Variants in MAGI2 observed in about 807,000 individuals in gnomAD.
MAGI2 encodes membrane associated guanylate kinase, WW and PDZ domain containing 2.
A neutral mutation model predicts 133.3 loss-of-function variants in MAGI2; 35 were observed. The observed-to-expected ratio is 0.26, with a 90% CI of 0.20 to 0.35. The LOEUF (loss-of-function observed/expected upper bound fraction) is 0.35. Ranked by LOEUF, MAGI2 falls within the 10% of genes least tolerant of loss-of-function variation. The pLI is 1.00. For missense variants in MAGI2, 1,636 were observed against 1,863.4 expected, an observed-to-expected ratio of 0.88 and a Z score of 2.25; for synonymous variants, 729 against 710.6, an observed-to-expected ratio of 1.03 and a Z score of -0.41.
At chr7:79,180,417 C>A (rs567496261) in intron 1 of MAGI2, among the ~76,000 whole-genome samples, 1 of 152,130 alleles carries the variant, frequency 6.6e-6, no homozygotes, top group East Asian at 1.9e-4. Context: ...CAGGTCACAT[C>A]TTATGTGGAT....
Position 78,643,393 on chromosome 7 carries a change from T to C in MAGI2, c.419-16154A>G, listed in dbSNP as rs377381586. Among the ~76,000 whole-genome samples, 6 of 152,228 alleles carry C rather than the reference T, an allele frequency of 3.9e-5. No homozygotes were observed. The East Asian group carries it at 1.2e-3, about 29-fold the overall frequency. ...TAGTAATTTTCTAAAAATAGAGAAA[T>C]GATAAAATATTAATAATTAGGTAAG... On this transcript the variant is annotated intron_variant, in intron 2 of 21. Coordinates refer to ENST00000354212, the MANE Select transcript of MAGI2 (RefSeq NM_012301.4).
intron 1 of MAGI2, among the ~76,000 whole-genome samples, chr7:79,307,429 G>A (rs533573911): frequency 1.2e-4 from 19 of 152,266 alleles, no homozygotes; most frequent in African/African-American, 4.6e-4. Flanking sequence ...TAAGTGAGAG[G>A]CTTCACCAGA....
chr7:79,010,142 G>C (rs573244836), intron 1 of MAGI2, among the ~76,000 whole-genome samples: 1 of 151,816 alleles, frequency 6.6e-6, no homozygotes, highest in Non-Finnish European at 1.5e-5. Context: ...TATAATACAT[G>C]TGTGTATACA....
intron 1 of MAGI2, among the ~76,000 whole-genome samples, chr7:79,301,449 T>A (rs1450470365): frequency 1.3e-5 from 2 of 152,238 alleles, no homozygotes; most frequent in South Asian, 4.1e-4. Context: ...GCTCTATGAG[T>A]TTTGTGTGAG....
chr7:78,232,154 ATTAAT>A (rs750304536), intron 10 of MAGI2, among the ~76,000 whole-genome samples: 40 of 152,324 alleles, frequency 2.6e-4, no homozygotes, highest in Non-Finnish European at 4.6e-4. Context: ...AGGCAAACTC[ATTAAT>A]TTAATAGTCT....
intron 1 of MAGI2, among the ~76,000 whole-genome samples, chr7:79,015,890 T>C (rs1808654252): frequency 6.6e-6 from 1 of 151,070 alleles, no homozygotes; most frequent in Non-Finnish European, 1.5e-5. Context: ...AGAGGGAAGA[T>C]CCATTGAAAA....
chr7:78,178,154 C>G, intron 13 of MAGI2, 52 bp from the exon 14 acceptor site: 2 of 1,134,258 alleles, frequency 1.8e-6, no homozygotes, highest in Non-Finnish European at 2.7e-6. Flanking sequence ...TTTCCCAGCC[C>G]CTGAGGAACT....
chr7:78,158,017 C>T (rs1018852747), intron 16 of MAGI2, among the ~76,000 whole-genome samples: 10 of 152,154 alleles, frequency 6.6e-5, no homozygotes, highest in Non-Finnish European at 1.3e-4. Context: ...CCATGAGGTT[C>T]TGGTGGTTTT....
intron 2 of MAGI2, among the ~76,000 whole-genome samples, chr7:78,785,548 T>A (rs553048417): frequency 2.0e-5 from 3 of 152,338 alleles, no homozygotes; most frequent in South Asian, 2.1e-4. Flanking sequence ...ACATTTTTTT[T>A]ATTTTGGAAC....
intron 2 of MAGI2, among the ~76,000 whole-genome samples, chr7:78,946,321 C>G (rs990716748): frequency 6.6e-6 from 1 of 152,038 alleles, no homozygotes; most frequent in Non-Finnish European, 1.5e-5. Flanking sequence ...TTACATCAAC[C>G]AATGTAAGAA....
intron 2 of MAGI2, among the ~76,000 whole-genome samples, chr7:78,723,863 G>A (rs1431361436): frequency 1.3e-5 from 2 of 152,174 alleles, no homozygotes; most frequent in Admixed American, 6.5e-5. Context: ...AGCCATGGGA[G>A]GAGGTAAGGT....
intron 4 of MAGI2, chr7:78,518,658 T>C (rs1468028839): frequency 1.3e-5 from 2 of 152,162 alleles, no homozygotes; most frequent in Admixed American, 1.3e-4. Flanking sequence ...TGAATTGAAG[T>C]TTGATATTAA....
chr7:78,400,372 C>A (rs757206239), intron 6 of MAGI2, among the ~76,000 whole-genome samples: 5 of 152,114 alleles, frequency 3.3e-5, no homozygotes, highest in Non-Finnish European at 5.9e-5. Context: ...TAAGTACATT[C>A]AGCTCAAATA....
At chr7:78,945,224 G>A (rs934923878) in intron 2 of MAGI2, among the ~76,000 whole-genome samples, 3 of 151,190 alleles carry the variant, frequency 2.0e-5, no homozygotes, top group African/African-American at 7.3e-5. Context: ...CCCACACCCA[G>A]CTAATTTTTG....
chr7:78,690,849 G>A (rs1248973314), intron 2 of MAGI2, among the ~76,000 whole-genome samples: 4 of 152,128 alleles, frequency 2.6e-5, no homozygotes, highest in African/African-American at 9.7e-5. Flanking sequence ...CAGCAGATGA[G>A]CAAGTAGAGT....
rs201928018 is a variant in MAGI2 at position 78,296,939 on chromosome 7, A to AAGTC, written c.1409-40362_1409-40359dup. Reference sequence around the variant, plus strand: ...TTTTTTACACAGGGCAGTTGAGGAGAAGTCATGTGCTATAGCTCGCTATAG... The same window carrying AAGTC: ...TTTTTTACACAGGGCAGTTGAGGAGAAGTCAGTCATGTGCTATAGCTCGCTATAG... On this transcript the variant is annotated intron_variant, in intron 9 of 21. Coordinates refer to ENST00000354212, the MANE Select transcript of MAGI2 (RefSeq NM_012301.4). 5.7e-3 allele frequency among the ~76,000 whole-genome samples: 872 copies of AAGTC among 152,312 alleles called. 13 individuals carry two copies. Among genetic ancestry groups the AAGTC allele is most frequent in the African/African-American group, 0.02 (818 of 41,558 alleles).
intron 3 of MAGI2, among the ~76,000 whole-genome samples, chr7:78,538,033 G>C (rs1798102301): frequency 6.6e-6 from 1 of 152,078 alleles, no homozygotes; most frequent in African/African-American, 2.4e-5. Context: ...AGAGAGATGA[G>C]GATCCTGCAC....
intron 20 of MAGI2, among the ~76,000 whole-genome samples, chr7:78,088,504 C>T (rs1415269261): frequency 2.6e-5 from 4 of 152,182 alleles, no homozygotes; most frequent in African/African-American, 4.8e-5. Context: ...GGACTGTTTT[C>T]GAAGAATGGG....
In MAGI2 at chr7:78,584,421, G is replaced by GAAAAAAA. The variant is rs57844382; in HGVS notation, c.538+42692_538+42698dup. ...GGTGACAGAGTGAGACTCCGTCTCAGAAAAAAAAAAAAAAAAAAAAAAAAA... is the reference window on the plus strand; with the variant it reads ...GGTGACAGAGTGAGACTCCGTCTCAGAAAAAAAAAAAAAAAAAAAAAAAAAAAAAAAA... On this transcript the variant is annotated intron_variant, in intron 3 of 21. Transcript: ENST00000354212. 2.7e-4 allele frequency among the ~76,000 whole-genome samples: 23 copies of GAAAAAAA among 83,958 alleles called. 1 individual carries two copies. The highest frequency in any genetic ancestry group is 4.2e-4 in the Admixed American group (3 of 7,098). The allele number at this position is 83,958 out of a possible 152,430, so 55.1% of individuals were successfully genotyped here.
Sources: allele counts gnomAD v4.1 joint callset (sites outside exome capture counted in the v4.1 genomes callset), GRCh38; gene constraint gnomAD v4.1.1; transcripts MANE v1.5; gene names NCBI Gene and HGNC (gene_info 2026-07-23, HGNC 2026-07-21).